The following WNK2 variants were observed in gnomAD, a reference collection of about 807,000 sequenced individuals.
WNK2 encodes serine/threonine-protein kinase WNK2.
Under a neutral mutation model 192.1 loss-of-function variants are expected in WNK2, and 67 were observed. The ratio of observed to expected loss-of-function variants is 0.35; its 90% CI spans 0.29 to 0.43. The LOEUF (loss-of-function observed/expected upper bound fraction) is 0.43, where lower values mean the gene tolerates loss of function less well. Among genes scored for constraint, WNK2 ranks in the 20% least tolerant of loss-of-function variants. WNK2 has a pLI of 1.00. For missense variants in WNK2, 2,698 were observed against 3,089.7 expected, an observed-to-expected ratio of 0.87 and a Z score of 3.01; for synonymous variants, 1,439 against 1,393.9, an observed-to-expected ratio of 1.03 and a Z score of -0.72.
chr9:93,184,397 G>A lies in WNK2; in HGVS notation c.-3+12G>A, dbSNP rs1322497718. On this transcript the variant is annotated intron_variant, in intron 1 of 29. Coordinates refer to ENST00000427277, the MANE Select transcript of WNK2 (RefSeq NM_006648.4). ...CGTCCGCTCGCCCTGTGAGTGCCGA[G>A]CCTCCCCTCAACGCCGCTCGCCGCC... Among the ~76,000 whole-genome samples the A allele has an allele frequency of 2.0e-5, 3 of 151,284 alleles. No individual in the cohort carries two copies. Among genetic ancestry groups the A allele is most frequent in the Admixed American group, 6.6e-5 (1 of 15,196 alleles).
rs1250001136 is a variant in WNK2 at position 93,257,484 on chromosome 9, C to G, written c.2382+345C>G. 6.6e-6 allele frequency among the ~76,000 whole-genome samples: 1 copy of G among 152,182 alleles called. No homozygotes were observed. Among genetic ancestry groups the G allele is most frequent in the South Asian group, 2.1e-4 (1 of 4,836 alleles). The stretch of plus-strand genomic sequence containing the variant: ...CCTGGGGTCCTTCAGGGAGGGCGGG[C>G]AGCCCAGTACCCCATCACCTGGCAC... On this transcript the variant is annotated intron_variant, in intron 11 of 29. Transcript: ENST00000427277. This position sits in a 1 kb window ranked among gnomAD's most constrained non-coding sequence, Gnocchi z 4.7.
intron 2 of WNK2, among the ~76,000 whole-genome samples, chr9:93,191,943 C>T (rs144480824): frequency 0.013 from 2,026 of 152,058 alleles, 25 homozygotes; most frequent in Middle Eastern, 0.041. Context: ...AGAAGAATCG[C>T]TTGAACCCAG....
At position 93,229,820 on chromosome 9, in the gene WNK2, G is replaced by A. The variant is rs1564036237; in HGVS notation, c.806G>A (p.Arg269Gln). ...DFWESSAKGK[R>Q]CIVLVTELMT... is the part of the protein sequence containing the mutation. ...TGGGAGTCCAGCGCCAAGGGCAAGCGGTGCATTGTGCTGGTGACGGAGCTG... is the reference window on the plus strand; with the variant it reads ...TGGGAGTCCAGCGCCAAGGGCAAGCAGTGCATTGTGCTGGTGACGGAGCTG... The change falls in exon 3 of 30, where the codon CGG (arginine) becomes CAG (glutamine). Residue 269 changes from arginine to glutamine, a missense_variant. By Grantham distance (43) the Arg-to-Gln change is conservative. Transcript: ENST00000427277. This position sits in a 1 kb window ranked among gnomAD's most constrained non-coding sequence, Gnocchi z 4.9. The A allele has an allele frequency of 2.5e-6, 4 of 1,613,954 alleles. No individual in the cohort carries two copies. The highest frequency in any genetic ancestry group is 1.3e-5 in the African/African-American group (1 of 75,062).
intron 27 of WNK2, chr9:93,307,177 G>T (rs1852738318): frequency 2.9e-6 from 1 of 339,174 alleles, no homozygotes; most frequent in Non-Finnish European, 5.5e-6. Context: ...CTCCCCACGA[G>T]GAGAGATGCC....
intron 28 of WNK2, among the ~76,000 whole-genome samples, chr9:93,313,762 C>T (rs1854091675): frequency 2.0e-5 from 3 of 152,084 alleles, no homozygotes; most frequent in South Asian, 4.1e-4. Context: ...TGTGGGAGTT[C>T]ATCATATATC....
intron 26 of WNK2, among the ~76,000 whole-genome samples, chr9:93,304,914 C>T (rs1485393362): frequency 1.3e-5 from 2 of 152,140 alleles, no homozygotes; most frequent in African/African-American, 4.8e-5. Context: ...AGGAGGGGCC[C>T]AAGTTTAGGA....
chr9:93,273,612 C>T (rs1846320029), intron 19 of WNK2, among the ~76,000 whole-genome samples: 1 of 152,198 alleles, frequency 6.6e-6, no homozygotes, highest in Non-Finnish European at 1.5e-5. Flanking sequence ...ATAGATAGAA[C>T]TAGTAGACAG....
chr9:93,253,222 C>A, intron 9 of WNK2, 140 bp downstream of exon 9: 1 of 717,654 alleles, frequency 1.4e-6, no homozygotes, highest in Non-Finnish European at 1.9e-6. Flanking sequence ...TGGTCAGTGT[C>A]CAGCCACACT....
Position 93,251,729 on chromosome 9 carries a change from G to C in WNK2, c.1835-1154G>C, listed in dbSNP as rs140400537. Reference sequence around the variant, plus strand: ...TCTCAAAAAAATAAATAAATAAAATGCTACACATATGGTTAGAATTGCTCT... The same window carrying C: ...TCTCAAAAAAATAAATAAATAAAATCCTACACATATGGTTAGAATTGCTCT... On this transcript the variant is annotated intron_variant, in intron 8 of 29. Transcript: ENST00000427277. 2.0e-5 allele frequency among the ~76,000 whole-genome samples: 3 copies of C among 152,204 alleles called. No individual in the cohort carries two copies. The East Asian group carries it at 5.8e-4, about 29-fold the overall frequency.
rs1276780793 is a variant in WNK2 at position 93,184,271 on chromosome 9, C to T, written c.-117C>T. Among the ~76,000 whole-genome samples, 1 of 151,088 alleles carries T rather than the reference C, an allele frequency of 6.6e-6. No homozygotes were observed. The highest frequency in any genetic ancestry group is 6.6e-5 in the Admixed American group (1 of 15,166). On this transcript the variant is annotated 5_prime_UTR_variant, in exon 1 of 30. Transcript: ENST00000427277. ...CAGGAGCTGGAGCGGCGCCACGGCC[C>T]CCACCCCAGCGCGGACCTCGCCCGG... is the stretch of plus-strand genomic sequence containing the variant.
intron 3 of WNK2, among the ~76,000 whole-genome samples, chr9:93,230,295 C>T (rs1307098404): frequency 6.6e-6 from 1 of 152,110 alleles, no homozygotes; most frequent in Non-Finnish European, 1.5e-5. Context: ...GGTGCTGTAT[C>T]CTGGGTCCAT....
At chr9:93,234,748 C>A in intron 4 of WNK2, 60 bp from the exon 5 acceptor site, 1 of 1,566,124 alleles carries the variant, frequency 6.4e-7, no homozygotes, top group South Asian at 1.2e-5. Context: ...GGGACACTGG[C>A]TCCAGCTCTT....
At chr9:93,226,438 T>G (rs962673170) in intron 2 of WNK2, among the ~76,000 whole-genome samples, 1 of 152,236 alleles carries the variant, frequency 6.6e-6, no homozygotes, top group African/African-American at 2.4e-5. Context: ...TCATTTGGTC[T>G]TTGGATTTTT....
intron 26 of WNK2, among the ~76,000 whole-genome samples, chr9:93,301,264 G>A (rs1186850671): frequency 6.6e-6 from 1 of 152,242 alleles, no homozygotes; most frequent in African/African-American, 2.4e-5. Context: ...GGATATGCTG[G>A]TTTGGGGCAC....
intron 19 of WNK2, among the ~76,000 whole-genome samples, chr9:93,286,244 G>A (rs922916540): frequency 1.3e-5 from 2 of 152,080 alleles, no homozygotes; most frequent in Non-Finnish European, 2.9e-5. Context: ...GTCACGGAGC[G>A]AGAGATTCTG....
intron 28 of WNK2, among the ~76,000 whole-genome samples, chr9:93,310,784 A>G (rs1349258179): frequency 6.6e-6 from 1 of 152,132 alleles, no homozygotes; most frequent in Non-Finnish European, 1.5e-5. Context: ...AGGTGCATCC[A>G]TGTTGTAGTA....
intron 2 of WNK2, among the ~76,000 whole-genome samples, chr9:93,217,413 T>G (rs1835945479): frequency 6.6e-6 from 1 of 152,142 alleles, no homozygotes; most frequent in Non-Finnish European, 1.5e-5. Context: ...GTGCTGAGTG[T>G]GGGGTTTCCT....
chr9:93,288,761 C>T, intron 19 of WNK2, 27 bp from the exon 20 acceptor site: 2 of 1,584,196 alleles, frequency 1.3e-6, no homozygotes, highest in Admixed American at 1.8e-5. Context: ...TACCCTGGTA[C>T]AAAGGCATTT....
intron 5 of WNK2, among the ~76,000 whole-genome samples, chr9:93,236,677 G>A (rs1234801643): frequency 6.6e-6 from 1 of 152,234 alleles, no homozygotes; most frequent in Non-Finnish European, 1.5e-5. Context: ...CATCAGCTGG[G>A]TGAGGAGCCA....
Sources: allele counts gnomAD v4.1 joint callset (sites outside exome capture counted in the v4.1 genomes callset), GRCh38; gene constraint gnomAD v4.1.1; non-coding constraint Gnocchi (gnomAD v3.1); transcripts MANE v1.5; gene names NCBI Gene and HGNC (gene_info 2026-07-23, HGNC 2026-07-21).